Variants in AUTS2 observed in about 807,000 individuals in gnomAD.
AUTS2 encodes autism susceptibility gene 2 protein.
AUTS2 carries 17 observed loss-of-function variants against 112.4 expected under a neutral mutation model. The ratio of observed to expected loss-of-function variants is 0.15; its 90% CI spans 0.10 to 0.23. The LOEUF is 0.23. Among genes scored for constraint, AUTS2 ranks in the 10% least tolerant of loss-of-function variants. The pLI, the probability that AUTS2 is intolerant of heterozygous loss-of-function variation, is 1.00. For missense variants in AUTS2, 1,510 were observed against 1,701.6 expected (o/e 0.89, Z 1.98); for synonymous variants, 751 against 702.7 (o/e 1.07, Z -1.09).
intron 1 of AUTS2, among the ~76,000 whole-genome samples, chr7:69,870,997 G>T (rs151177389): frequency 6.6e-6 from 1 of 152,260 alleles, no homozygotes; most frequent in East Asian, 1.9e-4. Context: ...TGCCTCATAG[G>T]CACATAATGT....
intron 4 of AUTS2, among the ~76,000 whole-genome samples, chr7:70,417,208 C>G (rs2130593632): frequency 6.6e-6 from 1 of 152,336 alleles, no homozygotes; most frequent in South Asian, 2.1e-4. Context: ...AATTTTAATA[C>G]ATGCTGTGAC....
At chr7:70,741,711 A>G (rs574404890) in intron 6 of AUTS2, among the ~76,000 whole-genome samples, 212 of 152,188 alleles carry the variant, frequency 1.4e-3, no homozygotes, top group African/African-American at 4.7e-3. Context: ...AAAGAAAGAA[A>G]AAAAAAAGAA....
chr7:70,537,675 A>G (rs1053997558), intron 5 of AUTS2, among the ~76,000 whole-genome samples: 1 of 152,194 alleles, frequency 6.6e-6, no homozygotes, highest in Non-Finnish European at 1.5e-5. Flanking sequence ...TGGTGTGGGA[A>G]GGTAACACAG....
In AUTS2 at chr7:70,781,498, G is replaced by GTGTT. The variant is rs1491345867; in HGVS notation, c.2005-113_2005-110dup. 2.4e-5 allele frequency: 31 copies of GTGTT among 1,267,462 alleles called. 1 individual carries two copies. The highest frequency in any genetic ancestry group is 3.9e-4 in the Middle Eastern group (2 of 5,098). 78.5% of individuals were successfully genotyped at this position (1,267,462 alleles called of 1,614,324 possible). On this transcript the variant is annotated intron_variant, in intron 14 of 18. Coordinates refer to ENST00000342771, the MANE Select transcript of AUTS2 (RefSeq NM_015570.4). ...TTTTGTGTAGCTGCTTTCTCTCACA[G>GTGTT]TGTTTGTAAACTTGAACCCAAGTGC...
chr7:70,440,878 T>G (rs1239682964), intron 5 of AUTS2, among the ~76,000 whole-genome samples: 2 of 152,228 alleles, frequency 1.3e-5, no homozygotes, highest in African/African-American at 4.8e-5. Context: ...AGAGATGTTC[T>G]GGGGTAGGGC....
chr7:70,211,432 G>T lies in AUTS2; in HGVS notation c.660+76861G>T, dbSNP rs184778769. Among the ~76,000 whole-genome samples the T allele has an allele frequency of 5.4e-3, 817 of 151,438 alleles. 1 individual carries two copies. Among genetic ancestry groups the T allele is most frequent in the Non-Finnish European group, 9.0e-3 (611 of 67,928 alleles). On this transcript the variant is annotated intron_variant, in intron 4 of 18. Transcript: ENST00000342771. Reference sequence around the variant, plus strand: ...TGGGAGGCAGAAGCGGGCGGATCACGAGGTCAGGAGATTAAGACCATCCTG... The same window carrying T: ...TGGGAGGCAGAAGCGGGCGGATCACTAGGTCAGGAGATTAAGACCATCCTG...
intron 1 of AUTS2, among the ~76,000 whole-genome samples, chr7:69,618,811 G>A (rs1793509611): frequency 6.6e-6 from 1 of 152,056 alleles, no homozygotes; most frequent in Non-Finnish European, 1.5e-5. Context: ...AAAATTGTAG[G>A]TTATTTTTAG....
At chr7:69,886,183 G>A (rs1041817429) in intron 1 of AUTS2, among the ~76,000 whole-genome samples, 16 of 152,188 alleles carry the variant, frequency 1.1e-4, no homozygotes, top group African/African-American at 3.6e-4. Flanking sequence ...TCAAAATTAG[G>A]TTGAGAAAGG....
chr7:70,329,449 C>T (rs1175653327), intron 4 of AUTS2, among the ~76,000 whole-genome samples: 1 of 151,920 alleles, frequency 6.6e-6, no homozygotes, highest in Admixed American at 6.6e-5. Flanking sequence ...TGATATTTTC[C>T]TTTTTCTTAA....
At chr7:70,592,046 A>G (rs941880650) in intron 5 of AUTS2, among the ~76,000 whole-genome samples, 2 of 152,264 alleles carry the variant, frequency 1.3e-5, no homozygotes, top group African/African-American at 4.8e-5. Context: ...ATAGTAGTCT[A>G]TAAAATTAGA....
intron 18 of AUTS2, 148 bp from the exon 19 acceptor site, chr7:70,789,600 T>C: frequency 1.1e-6 from 1 of 896,078 alleles, no homozygotes; most frequent in East Asian, 2.6e-5. Flanking sequence ...GGCTCTGCCC[T>C]GTCCAGGGCA....
intron 2 of AUTS2, among the ~76,000 whole-genome samples, chr7:70,009,249 G>A (rs1172630675): frequency 6.6e-6 from 1 of 152,084 alleles, no homozygotes; most frequent in Admixed American, 6.6e-5. Flanking sequence ...TGTGAATGAC[G>A]TTAATTCACT....
intron 2 of AUTS2, among the ~76,000 whole-genome samples, chr7:70,048,336 C>T (rs1801597524): frequency 6.6e-6 from 1 of 152,198 alleles, no homozygotes; most frequent in South Asian, 2.1e-4. Context: ...GTCCCCTTAA[C>T]AAGCTCTGGA....
At chr7:70,414,639 T>A (rs1209892849) in intron 4 of AUTS2, among the ~76,000 whole-genome samples, 4 of 152,130 alleles carry the variant, frequency 2.6e-5, no homozygotes, top group Non-Finnish European at 5.9e-5. Context: ...TTCTGCTCAC[T>A]GCCTAGAAAG....
At chr7:70,779,533 G>A (rs571610738) in intron 14 of AUTS2, among the ~76,000 whole-genome samples, 30 of 152,312 alleles carry the variant, frequency 2.0e-4, no homozygotes, top group African/African-American at 7.2e-4. Flanking sequence ...AGGGGTGATG[G>A]GTGAGTGGGA....
intron 2 of AUTS2, among the ~76,000 whole-genome samples, chr7:70,115,762 C>G (rs548966150): frequency 2.5e-4 from 38 of 152,244 alleles, no homozygotes; most frequent in African/African-American, 8.9e-4. Context: ...ACTTTATTAT[C>G]AGTATAACTA....
chr7:70,016,304 A>G (rs967716424), intron 2 of AUTS2, among the ~76,000 whole-genome samples: 1 of 152,170 alleles, frequency 6.6e-6, no homozygotes, highest in Non-Finnish European at 1.5e-5. Context: ...ATTATTATAT[A>G]TAATTGACAT....
intron 5 of AUTS2, among the ~76,000 whole-genome samples, chr7:70,542,109 A>G (rs1800574717): frequency 6.6e-6 from 1 of 152,134 alleles, no homozygotes; most frequent in Non-Finnish European, 1.5e-5. Flanking sequence ...TTGCATGTGA[A>G]ATGTATTTAT....
intron 2 of AUTS2, among the ~76,000 whole-genome samples, chr7:69,917,903 C>T (rs933281752): frequency 6.6e-6 from 1 of 151,972 alleles, no homozygotes; most frequent in South Asian, 2.1e-4. Flanking sequence ...AGTGCAGTGG[C>T]GCGATCTCGG....
Sources: gnomAD v4.1 joint callset for allele counts (sites outside exome capture counted in the v4.1 genomes callset) on GRCh38, gnomAD v4.1.1 for gene constraint, MANE v1.5 for transcripts, NCBI Gene and HGNC (gene_info 2026-07-23, HGNC 2026-07-21) for gene names.